Variants in ACSS1 observed in about 807,000 individuals in gnomAD.
ACSS1 encodes the protein acyl-CoA synthetase short chain family member 1.
In ACSS1, 42 loss-of-function variants were observed where a neutral mutation model predicts 75.3. That is an observed-to-expected ratio of 0.56 (90% CI 0.44 to 0.72). The LOEUF (loss-of-function observed/expected upper bound fraction) is 0.72, where lower values mean the gene tolerates loss of function less well. ACSS1 is among the 30% of genes least tolerant of loss of function. The pLI is 0.00. For missense variants in ACSS1, 782 were observed against 935.7 expected, an observed-to-expected ratio of 0.84 and a Z score of 2.14; for synonymous variants, 380 against 376.8, an observed-to-expected ratio of 1.01 and a Z score of -0.10.
chr20:25,032,086 C>G (rs888210675), intron 2 of ACSS1, among the ~76,000 whole-genome samples: 1 of 152,126 alleles, frequency 6.6e-6, no homozygotes, highest in African/African-American at 2.4e-5. Flanking sequence ...GCTAGGGGAC[C>G]ATGGACAAGG....
chr20:25,052,077 C>A (rs553822715), intron 1 of ACSS1, among the ~76,000 whole-genome samples: 1 of 152,260 alleles, frequency 6.6e-6, no homozygotes, highest in East Asian at 1.9e-4. Flanking sequence ...GGCCCTAACA[C>A]CCATGTGCAC....
At chr20:25,034,895 GT>G (rs2088884373) in intron 2 of ACSS1, among the ~76,000 whole-genome samples, 1 of 150,246 alleles carries the variant, frequency 6.7e-6, no homozygotes, top group Non-Finnish European at 1.5e-5. Context: ...TTTGTTTTTT[GT>G]TTTTTGTTTT....
chr20:25,038,484 AAG>A (rs939314342), intron 2 of ACSS1, among the ~76,000 whole-genome samples: 1 of 152,202 alleles, frequency 6.6e-6, no homozygotes, highest in African/African-American at 2.4e-5. Flanking sequence ...ACATGGGAAA[AAG>A]AGAATTATTG....
Position 25,013,676 on chromosome 20 carries a change from A to G in ACSS1, c.1453-14T>C, listed in dbSNP as rs987551874. ...CACGACGCTGCCCTGTAGACCCCGG[A>G]CATGCAAGTGAGACAGGGCAGGCTC... On this transcript the variant is annotated splice_polypyrimidine_tract_variant and intron_variant, in intron 9 of 13. Transcript: ENST00000323482. 22 of 1,588,132 alleles carry G rather than the reference A, an allele frequency of 1.4e-5. No homozygotes were observed. Among genetic ancestry groups the G allele is most frequent in the South Asian group, 6.6e-5 (6 of 90,430 alleles).
rs201880448 is a variant in ACSS1 at position 25,023,006 on chromosome 20, G to A, written c.894C>T (p.Thr298=). 5.1e-5 allele frequency: 83 copies of A among 1,614,092 alleles called. No individual in the cohort carries two copies. In the Admixed American group the frequency reaches 7.7e-4, roughly 15 times the overall value. Residue 298 remains threonine (T), a synonymous_variant, in exon 5 of 14, where the codon ACC becomes ACT. Transcript: ENST00000323482. Reference sequence around the variant, plus strand: ...TATGGACGATGCCCTTGGGCATTCCGGTGCTCCCTGAGGTGTACAGCATGA... The same window carrying A: ...TATGGACGATGCCCTTGGGCATTCCAGTGCTCCCTGAGGTGTACAGCATGA... The part of the protein sequence containing the change: ...MLFMLYTSGS[T]GMPKGIVHTQ...
intron 1 of ACSS1, among the ~76,000 whole-genome samples, chr20:25,054,554 G>A (rs1448088926): frequency 6.6e-6 from 1 of 152,218 alleles, no homozygotes; most frequent in Non-Finnish European, 1.5e-5. Context: ...CATCTGTGCT[G>A]GTCTCTTGGA....
At chr20:25,045,134 G>C (rs1039818727) in intron 2 of ACSS1, among the ~76,000 whole-genome samples, 1 of 152,166 alleles carries the variant, frequency 6.6e-6, no homozygotes, top group Non-Finnish European at 1.5e-5. Flanking sequence ...TAGTGCGTTC[G>C]GGCTGTCATC....
chr20:25,041,612 C>G (rs141367182), intron 2 of ACSS1, among the ~76,000 whole-genome samples: 2 of 152,278 alleles, frequency 1.3e-5, no homozygotes, highest in East Asian at 3.9e-4. Flanking sequence ...ACAAAAGTGG[C>G]CCCATTCACA....
intron 10 of ACSS1, 101 bp downstream of exon 10, chr20:25,013,435 A>G (rs547193641): frequency 1.7e-5 from 24 of 1,437,880 alleles, no homozygotes; most frequent in South Asian, 4.5e-5. Flanking sequence ...TCCTGGCCAC[A>G]GTGTTACGCT....
rs2088423198 is a variant in ACSS1 at position 25,012,283 on chromosome 20, C to A, written c.1771+318G>T. ...TTCTCATAAACTCTCTGTAATGGGGCTGGACGGTGTCCCCACCAGATACAC... is the reference window on the plus strand; with the variant it reads ...TTCTCATAAACTCTCTGTAATGGGGATGGACGGTGTCCCCACCAGATACAC... On this transcript the variant is annotated intron_variant, in intron 12 of 13. Coordinates refer to ENST00000323482, the MANE Select transcript of ACSS1 (RefSeq NM_032501.4). 3 of 430,934 alleles carry A rather than the reference C, an allele frequency of 7.0e-6. No individual in the cohort carries two copies. The South Asian group carries it at 7.0e-5, about 10-fold the overall frequency. The allele number at this position is 430,934 out of a possible 1,614,324, so 26.7% of individuals were successfully genotyped here. A position where few individuals can be genotyped will look rare whatever the true frequency, so the allele number is the denominator to read the frequency against.
intron 1 of ACSS1, among the ~76,000 whole-genome samples, chr20:25,053,159 G>A (rs1192869834): frequency 6.7e-6 from 1 of 149,236 alleles, no homozygotes; most frequent in African/African-American, 2.5e-5. Context: ...CACCTCCTGG[G>A]CTCAAGGGAT....
chr20:25,021,594 CCAGGT>C, intron 5 of ACSS1, 58 bp from the exon 6 acceptor site: 1 of 1,584,448 alleles, frequency 6.3e-7, no homozygotes, highest in South Asian at 1.2e-5. Context: ...CATGTTCACA[CCAGGT>C]CACTAGGAAA....
intron 2 of ACSS1, among the ~76,000 whole-genome samples, chr20:25,040,234 G>A (rs2088979198): frequency 6.6e-6 from 1 of 152,162 alleles, no homozygotes; most frequent in Admixed American, 6.5e-5. Context: ...TCTCTGAATG[G>A]CTCTACCAGA....
chr20:25,032,391 G>A (rs1385899412), intron 2 of ACSS1: 1 of 1,403,900 alleles, frequency 7.1e-7, no homozygotes, highest in African/African-American at 1.5e-5. Context: ...GCGAAGTGGA[G>A]GAAGTGGAAG....
At chr20:25,035,051 C>G (rs1373962898) in intron 2 of ACSS1, among the ~76,000 whole-genome samples, 1 of 151,990 alleles carries the variant, frequency 6.6e-6, no homozygotes, top group East Asian at 1.9e-4. Context: ...CCCGCCACCA[C>G]GCCTGGCTAA....
chr20:25,009,596 A>G, intron 12 of ACSS1: 1 of 569,272 alleles, frequency 1.8e-6, no homozygotes, highest in East Asian at 3.0e-5. Flanking sequence ...AGCTCCACAG[A>G]TGTTCCAGGT....
At chr20:25,024,437 C>A (rs892162264) in intron 3 of ACSS1, among the ~76,000 whole-genome samples, 1 of 152,166 alleles carries the variant, frequency 6.6e-6, no homozygotes, top group East Asian at 1.9e-4. Context: ...TACACAGCCC[C>A]TCAGGAAGAG....
intron 3 of ACSS1, among the ~76,000 whole-genome samples, chr20:25,026,600 C>G (rs1006351851): frequency 6.6e-6 from 1 of 152,202 alleles, no homozygotes. Context: ...TCCCCTGTCC[C>G]CATCTGATTC....
At chr20:25,051,258 G>A (rs1248171609) in intron 1 of ACSS1, among the ~76,000 whole-genome samples, 3 of 152,188 alleles carry the variant, frequency 2.0e-5, no homozygotes, top group East Asian at 3.9e-4. Flanking sequence ...TCCCTAGGGC[G>A]AGGGCTGAGT....
Sources: gnomAD v4.1 joint callset for allele counts (sites outside exome capture counted in the v4.1 genomes callset) on GRCh38, gnomAD v4.1.1 for gene constraint, MANE v1.5 for transcripts, NCBI Gene and HGNC (gene_info 2026-07-23, HGNC 2026-07-21) for gene names.